ARID1B: variants seen among roughly 807,000 people sequenced by gnomAD.
The protein encoded by ARID1B is AT-rich interactive domain-containing protein 1B.
Under a neutral mutation model 212.3 loss-of-function variants are expected in ARID1B, and 30 were observed. The ratio of observed to expected loss-of-function variants is 0.14; its 90% CI spans 0.11 to 0.19. The LOEUF (loss-of-function observed/expected upper bound fraction) is 0.19, where lower values mean the gene tolerates loss of function less well. Ranked by LOEUF, ARID1B falls within the 10% of genes least tolerant of loss-of-function variation. ARID1B has a pLI of 1.00. For synonymous variants in ARID1B, 1,402 were observed against 1,301.7 expected, an observed-to-expected ratio of 1.08 and a Z score of -1.66; for missense variants, 2,891 against 3,204.0, an observed-to-expected ratio of 0.90 and a Z score of 2.36.
chr6:157,062,709 T>C (rs200289071), intron 4 of ARID1B, among the ~76,000 whole-genome samples: 1 of 147,508 alleles, frequency 6.8e-6, no homozygotes, highest in African/African-American at 2.5e-5. Context: ...TATATATATT[T>C]TTTTTTTTTT....
chr6:156,971,555 G>A (rs771819022), intron 4 of ARID1B, among the ~76,000 whole-genome samples: 2 of 152,148 alleles, frequency 1.3e-5, no homozygotes, highest in African/African-American at 2.4e-5. Context: ...CAACATCTGT[G>A]TATTATTTCA....
chr6:156,817,095 A>G (rs532255358), intron 1 of ARID1B, among the ~76,000 whole-genome samples: 52 of 151,834 alleles, frequency 3.4e-4, no homozygotes, highest in African/African-American at 1.1e-3. Context: ...AAAAAAAAGA[A>G]AAAAAAAGGC....
intron 4 of ARID1B, among the ~76,000 whole-genome samples, chr6:156,957,369 C>T (rs1794046522): frequency 6.6e-6 from 1 of 152,170 alleles, no homozygotes; most frequent in Non-Finnish European, 1.5e-5. Context: ...CCCACATACT[C>T]ACCAGTACCA....
At chr6:156,906,208 T>C (rs1405579106) in intron 3 of ARID1B, among the ~76,000 whole-genome samples, 1 of 151,986 alleles carries the variant, frequency 6.6e-6, no homozygotes, top group Non-Finnish European at 1.5e-5. Flanking sequence ...TGATTAGGTA[T>C]TTTAATTTTT....
chr6:157,161,429 G>GTATATA (rs1228344142), intron 8 of ARID1B, among the ~76,000 whole-genome samples: 1 of 134,030 alleles, frequency 7.5e-6, no homozygotes, highest in South Asian at 2.2e-4. Context: ...GATTGTGTGT[G>GTATATA]TGTATATATA....
chr6:156,986,199 G>A (rs1777906859), intron 4 of ARID1B, among the ~76,000 whole-genome samples: 1 of 152,132 alleles, frequency 6.6e-6, no homozygotes. Flanking sequence ...CTCAGGACTG[G>A]TTTTGTTAGT....
chr6:156,868,148 G>T (rs999882110), intron 2 of ARID1B, among the ~76,000 whole-genome samples: 1 of 152,224 alleles, frequency 6.6e-6, no homozygotes, highest in African/African-American at 2.4e-5. Flanking sequence ...TTTTGGATCA[G>T]TTTTCCACGT....
chr6:157,048,163 A>T (rs1782361879), intron 4 of ARID1B, among the ~76,000 whole-genome samples: 1 of 152,232 alleles, frequency 6.6e-6, no homozygotes, highest in South Asian at 2.1e-4. Context: ...TCAGTTGAGA[A>T]TGTCAACGTG....
intron 2 of ARID1B, among the ~76,000 whole-genome samples, chr6:156,864,008 C>G (rs1785513399): frequency 6.6e-6 from 1 of 152,146 alleles, no homozygotes; most frequent in Admixed American, 6.5e-5. Flanking sequence ...TTTGAAATAA[C>G]TAAACAATAA....
intron 4 of ARID1B, among the ~76,000 whole-genome samples, chr6:157,012,599 T>G (rs1253681086): frequency 6.6e-6 from 1 of 152,222 alleles, no homozygotes; most frequent in Non-Finnish European, 1.5e-5. Context: ...GTTGGTATAC[T>G]GTAGTACAAA....
intron 7 of ARID1B, among the ~76,000 whole-genome samples, chr6:157,144,582 C>T (rs1033335795): frequency 1.3e-5 from 2 of 152,026 alleles, no homozygotes; most frequent in Admixed American, 6.5e-5. Flanking sequence ...CATCTGGAAG[C>T]GAAGGGGATG....
At chr6:156,898,251 G>T (rs547631015) in intron 2 of ARID1B, among the ~76,000 whole-genome samples, 9 of 152,126 alleles carry the variant, frequency 5.9e-5, no homozygotes, top group Admixed American at 5.9e-4. Flanking sequence ...AGAATGAAAC[G>T]ACTTAAAAAC....
chr6:156,887,514 CTG>C (rs1787606885), intron 2 of ARID1B, among the ~76,000 whole-genome samples: 2 of 152,150 alleles, frequency 1.3e-5, no homozygotes, highest in African/African-American at 4.8e-5. Context: ...AACACTTAGA[CTG>C]TATCTTTTTA....
chr6:157,133,058 A>G lies in ARID1B; in HGVS notation c.2612A>G (p.Gln871Arg). 2 of 1,606,518 alleles carry G rather than the reference A, an allele frequency of 1.2e-6. No individual in the cohort carries two copies. Among genetic ancestry groups the G allele is most frequent in the Non-Finnish European group, 1.7e-6 (2 of 1,178,082 alleles). Reference protein sequence around the residue: ...GFMAGTQRNPQMAQYGPQQTG... With the variant: ...GFMAGTQRNPRMAQYGPQQTG... ...ATGGCAGGCACACAAAGAAACCCTC[A>G]GATGGCTCAGTATGGACCTCAACAG... Residue 871 changes from glutamine (Q) to arginine (R), a missense_variant, in exon 7 of 20, where the codon CAG becomes CGG. Physicochemically the swap from Gln to Arg is conservative, Grantham distance 43 (BLOSUM62 1). Transcript: ENST00000636930.
intron 4 of ARID1B, among the ~76,000 whole-genome samples, chr6:157,061,577 A>G (rs979195726): frequency 6.6e-6 from 1 of 152,134 alleles, no homozygotes; most frequent in South Asian, 2.1e-4. Flanking sequence ...AGATTTAGAA[A>G]AAAAAAAAAA....
intron 16 of ARID1B, 69 bp from the exon 17 acceptor site, chr6:157,198,742 G>T (rs1793911126): frequency 3.0e-6 from 4 of 1,338,660 alleles, no homozygotes; most frequent in Admixed American, 2.0e-5. Flanking sequence ...TTCCAGAAAT[G>T]GATTGTTTAT....
intron 4 of ARID1B, among the ~76,000 whole-genome samples, chr6:157,081,678 G>A (rs1344830502): frequency 6.6e-6 from 1 of 152,132 alleles, no homozygotes; most frequent in Non-Finnish European, 1.5e-5. Flanking sequence ...CCTGAGTAAA[G>A]CCCTCTTAAT....
chr6:156,786,434 T>C (rs577695165), intron 1 of ARID1B, among the ~76,000 whole-genome samples: 2 of 152,348 alleles, frequency 1.3e-5, no homozygotes, highest in Admixed American at 6.5e-5. Flanking sequence ...TAAAGGCAGC[T>C]GTGAAGGGAG....
chr6:157,154,389 A>G (rs112091500), intron 8 of ARID1B, among the ~76,000 whole-genome samples: 1,670 of 152,296 alleles, frequency 0.011, 26 homozygotes, highest in African/African-American at 0.037. Flanking sequence ...CCATAAGGAC[A>G]CAGAGTTTCA....
Sources: gnomAD v4.1 joint callset for allele counts (sites outside exome capture counted in the v4.1 genomes callset) on GRCh38, gnomAD v4.1.1 for gene constraint, MANE v1.5 for transcripts, NCBI Gene and HGNC (gene_info 2026-07-23, HGNC 2026-07-21) for gene names.